The following ERBB4 variants were observed in gnomAD, a reference collection of about 807,000 sequenced individuals.
The protein encoded by ERBB4 is receptor tyrosine-protein kinase erbB-4.
ERBB4 carries 42 observed loss-of-function variants against 158.0 expected under a neutral mutation model. That is an observed-to-expected ratio of 0.27 (90% confidence interval 0.21 to 0.34). ERBB4 has a LOEUF of 0.34. Ranked by LOEUF, ERBB4 falls within the 10% of genes least tolerant of loss-of-function variation. ERBB4 has a pLI of 1.00. For missense variants in ERBB4, 1,333 were observed against 1,624.1 expected (o/e 0.82, Z 3.08); for synonymous variants, 583 against 558.7 (o/e 1.04, Z -0.61).
rs147741581 is a variant in ERBB4, at chr2:212,406,586, A to G, written c.82+131863T>C. Among the ~76,000 whole-genome samples, 438 of 152,320 alleles carry G rather than the reference A, an allele frequency of 2.9e-3. 1 individual carries two copies. The highest frequency in any genetic ancestry group is 0.01 in the Middle Eastern group (3 of 294). On this transcript the variant is annotated intron_variant, in intron 1 of 27. Transcript: ENST00000342788. The stretch of plus-strand genomic sequence containing the variant: ...TAAGGACTAAATGATTTAAGATTAC[A>G]GAAAAGCCAGACTGAATGAAGAGTA...
At chr2:211,650,786 C>A (rs2070952405) in intron 16 of ERBB4, among the ~76,000 whole-genome samples, 1 of 152,064 alleles carries the variant, frequency 6.6e-6, no homozygotes, top group Non-Finnish European at 1.5e-5. Flanking sequence ...ACCCAATATA[C>A]CCATATTATT....
At chr2:212,313,707 A>T (rs1361706588) in intron 1 of ERBB4, among the ~76,000 whole-genome samples, 1 of 150,980 alleles carries the variant, frequency 6.6e-6, no homozygotes, top group East Asian at 2.0e-4. Context: ...ACAAGTCACA[A>T]TTTAGTTTTG....
At chr2:211,536,163 A>T (rs2066647539) in intron 20 of ERBB4, among the ~76,000 whole-genome samples, 1 of 152,082 alleles carries the variant, frequency 6.6e-6, no homozygotes, top group Non-Finnish European at 1.5e-5. Context: ...TTAAAATGAC[A>T]CCAAAAGAAA....
At chr2:211,412,164 C>T (rs1386104302) in intron 25 of ERBB4, among the ~76,000 whole-genome samples, 1 of 151,848 alleles carries the variant, frequency 6.6e-6, no homozygotes, top group Non-Finnish European at 1.5e-5. Context: ...AATCATGTTT[C>T]AAGCCATCCT....
intron 3 of ERBB4, among the ~76,000 whole-genome samples, chr2:211,935,372 C>T (rs76602062): frequency 0.036 from 5,402 of 152,092 alleles, 135 homozygotes; most frequent in Middle Eastern, 0.088. Flanking sequence ...GCTCTCAATG[C>T]GGGTGGGCAA....
Position 211,433,185 on chromosome 2 carries a change from G to A in ERBB4, c.2488-2085C>T, listed in dbSNP as rs576860146. On this transcript the variant is annotated intron_variant, in intron 20 of 27. Coordinates refer to ENST00000342788, the MANE Select transcript of ERBB4 (RefSeq NM_005235.3). Reference sequence around the variant, plus strand: ...GTGAGCAGTGAAACTGAAAACAAAAGAAGAGGCAGGGTCCAAGAAGGGTCC... The same window carrying A: ...GTGAGCAGTGAAACTGAAAACAAAAAAAGAGGCAGGGTCCAAGAAGGGTCC... Among the ~76,000 whole-genome samples, 13 of 152,322 alleles carry A rather than the reference G, an allele frequency of 8.5e-5. 1 individual carries two copies. In the South Asian group the frequency reaches 2.7e-3, roughly 32 times the overall value.
chr2:211,569,571 T>C (rs1363715898), intron 19 of ERBB4, among the ~76,000 whole-genome samples: 1 of 152,152 alleles, frequency 6.6e-6, no homozygotes, highest in Non-Finnish European at 1.5e-5. Context: ...AATGAAACGG[T>C]GGTCGCAGAG....
At chr2:212,535,721 T>C (rs1473414717) in intron 1 of ERBB4, among the ~76,000 whole-genome samples, 2 of 152,172 alleles carry the variant, frequency 1.3e-5, no homozygotes, top group Admixed American at 1.3e-4. Flanking sequence ...CTAAATAAAA[T>C]GCATAATTGA....
chr2:212,053,700 C>T (rs2077469429), intron 2 of ERBB4, among the ~76,000 whole-genome samples: 2 of 152,290 alleles, frequency 1.3e-5, no homozygotes, highest in East Asian at 1.9e-4. Flanking sequence ...TTATGTCTTG[C>T]ATTCTTTGTC....
chr2:211,414,678 G>A (rs754591574), intron 25 of ERBB4, among the ~76,000 whole-genome samples: 9 of 151,978 alleles, frequency 5.9e-5, no homozygotes, highest in African/African-American at 1.7e-4. Flanking sequence ...CCAGATTACC[G>A]TAAAGTGAAT....
chr2:211,915,438 CATAT>C (rs78546007), intron 3 of ERBB4, among the ~76,000 whole-genome samples: 3 of 147,580 alleles, frequency 2.0e-5, no homozygotes, highest in Non-Finnish European at 3.0e-5. Context: ...TCAAACATTA[CATAT>C]ATATATATAT....
At chr2:211,734,647 G>A (rs551606500) in intron 5 of ERBB4, among the ~76,000 whole-genome samples, 8 of 147,054 alleles carry the variant, frequency 5.4e-5, no homozygotes, top group South Asian at 2.2e-4. Context: ...AAAGCTGGGC[G>A]CGGTGGCTCA....
intron 27 of ERBB4, among the ~76,000 whole-genome samples, chr2:211,386,638 C>T (rs757694455): frequency 3.3e-5 from 5 of 152,116 alleles, no homozygotes; most frequent in African/African-American, 7.2e-5. Context: ...CCTATTCAGA[C>T]GGGGCCTGCC....
intron 1 of ERBB4, among the ~76,000 whole-genome samples, chr2:212,489,813 T>G (rs964011607): frequency 8.6e-5 from 13 of 151,688 alleles, no homozygotes; most frequent in African/African-American, 2.7e-4. Flanking sequence ...AATATGAACT[T>G]TAAGAAACTG....
chr2:211,703,510 T>C (rs144133513), intron 11 of ERBB4, among the ~76,000 whole-genome samples: 28 of 152,346 alleles, frequency 1.8e-4, no homozygotes, highest in African/African-American at 6.7e-4. Context: ...TGACTTTTAA[T>C]TGTTCATAAA....
chr2:212,523,397 G>T (rs1692277316), intron 1 of ERBB4, among the ~76,000 whole-genome samples: 1 of 151,812 alleles, frequency 6.6e-6, no homozygotes. Context: ...ATACCTGCTG[G>T]CATAAACTGA....
intron 2 of ERBB4, among the ~76,000 whole-genome samples, chr2:212,007,759 A>G (rs1455155454): frequency 6.6e-6 from 1 of 151,990 alleles, no homozygotes; most frequent in Non-Finnish European, 1.5e-5. Context: ...ACCTGAGAAG[A>G]ATATTAATGA....
intron 12 of ERBB4, among the ~76,000 whole-genome samples, chr2:211,689,348 T>C (rs1231061143): frequency 6.6e-6 from 1 of 152,112 alleles, no homozygotes; most frequent in African/African-American, 2.4e-5. Context: ...GTATGCACCA[T>C]GACACCTGGC....
chr2:212,480,200 T>C (rs1410859794), intron 1 of ERBB4, among the ~76,000 whole-genome samples: 1 of 152,162 alleles, frequency 6.6e-6, no homozygotes, highest in African/African-American at 2.4e-5. Context: ...AAATATGACA[T>C]TTCATTGAAC....
Sources: allele counts gnomAD v4.1 joint callset (sites outside exome capture counted in the v4.1 genomes callset), GRCh38; gene constraint gnomAD v4.1.1; transcripts MANE v1.5; gene names NCBI Gene and HGNC (gene_info 2026-07-23, HGNC 2026-07-21).